PCDH11Y: variants seen among roughly 807,000 people sequenced by gnomAD.
The protein encoded by PCDH11Y is protocadherin-11 Y-linked.
For synonymous variants in PCDH11Y, 9 were observed against 83.6 expected, an observed-to-expected ratio of 0.11 and a Z score of 4.87; for missense variants, 12 against 224.8, an observed-to-expected ratio of 0.05 and a Z score of 6.05.
At chrY:5,537,136 G>A in intron 3 of PCDH11Y, among the ~76,000 whole-genome samples, 2 of 31,797 alleles carry the variant, frequency 6.3e-5, no homozygotes, top group Non-Finnish European at 1.5e-4. Context: ...TATTGAATTT[G>A]TAGATTGCTT....
At chrY:5,286,804 G>A (rs2124661377) in intron 2 of PCDH11Y, among the ~76,000 whole-genome samples, 1 of 32,542 alleles carries the variant, frequency 3.1e-5, no homozygotes, top group South Asian at 7.0e-4. Context: ...AAGACTATGG[G>A]GCTTCCTAGG....
intron 4 of PCDH11Y, among the ~76,000 whole-genome samples, chrY:5,682,724 G>A (rs2053559778): frequency 3.1e-5 from 1 of 32,108 alleles, no homozygotes; most frequent in Non-Finnish European, 7.6e-5. Context: ...AACCTTACAG[G>A]CCAGAAAAGA....
chrY:5,410,800 C>T (rs2053246754), intron 2 of PCDH11Y, among the ~76,000 whole-genome samples: 1 of 31,756 alleles, frequency 3.1e-5, no homozygotes, highest in Admixed American at 3.0e-4. Flanking sequence ...GTTTTCTGTT[C>T]CTGTGTTAGC....
intron 2 of PCDH11Y, among the ~76,000 whole-genome samples, chrY:5,385,671 T>C (rs2053213399): frequency 1.3e-3 from 42 of 33,597 alleles, no homozygotes; most frequent in Admixed American, 3.5e-3. Flanking sequence ...TGACAACATG[T>C]ATTATTTTTT....
chrY:5,207,492 G>A, intron 2 of PCDH11Y: 1 of 326,696 alleles, frequency 3.1e-6, no homozygotes, highest in Non-Finnish European at 4.6e-6. Context: ...GGTAAATGAG[G>A]CCGCCAAACT....
At chrY:5,179,399 T>C in intron 2 of PCDH11Y, among the ~76,000 whole-genome samples, 1 of 33,802 alleles carries the variant, frequency 3.0e-5, no homozygotes, top group Non-Finnish European at 7.3e-5. Flanking sequence ...CTTCGTTTCA[T>C]ATGTTTTTTA....
At chrY:5,344,368 A>C in intron 2 of PCDH11Y, among the ~76,000 whole-genome samples, 18 of 33,183 alleles carry the variant, frequency 5.4e-4, no homozygotes, top group African/African-American at 2.0e-3. Flanking sequence ...GGTAAATCAC[A>C]TTTTAATTTT....
At chrY:5,696,868 G>A in intron 4 of PCDH11Y, among the ~76,000 whole-genome samples, 1 of 32,304 alleles carries the variant, frequency 3.1e-5, no homozygotes, top group Non-Finnish European at 7.6e-5. Flanking sequence ...TATTTACCCA[G>A]GAGTCATTCA....
chrY:5,705,901 T>C, intron 4 of PCDH11Y, among the ~76,000 whole-genome samples: 17 of 33,573 alleles, frequency 5.1e-4, no homozygotes, highest in Admixed American at 4.7e-3. Flanking sequence ...AAAATCTTGA[T>C]TGAATATTTC....
intron 4 of PCDH11Y, among the ~76,000 whole-genome samples, chrY:5,589,232 G>A: frequency 3.1e-5 from 1 of 32,416 alleles, no homozygotes; most frequent in Non-Finnish European, 7.5e-5. Flanking sequence ...TGAATCATGG[G>A]GATGGGCTTT....
chrY:5,108,556 G>A (rs2052798057), downstream of PCDH11Y, among the ~76,000 whole-genome samples: 2 of 30,165 alleles, frequency 6.6e-5, no homozygotes, highest in Non-Finnish European at 1.6e-4. Context: ...GACCATCCTG[G>A]CTAACACAGT....
intron 2 of PCDH11Y, among the ~76,000 whole-genome samples, chrY:5,260,882 C>T (rs2053017186): frequency 6.3e-5 from 2 of 31,977 alleles, no homozygotes; most frequent in Non-Finnish European, 1.5e-4. Context: ...TTTGTCTCCA[C>T]CAAAACCTCA....
chrY:5,211,532 A>G, intron 2 of PCDH11Y, among the ~76,000 whole-genome samples: 1 of 31,717 alleles, frequency 3.2e-5, no homozygotes, highest in South Asian at 7.3e-4. Flanking sequence ...ATGAATTGGC[A>G]ATGTATTCAA....
chrY:5,664,480 G>T (rs2053543246), intron 4 of PCDH11Y, among the ~76,000 whole-genome samples: 1 of 32,782 alleles, frequency 3.1e-5, no homozygotes, highest in Admixed American at 2.8e-4. Flanking sequence ...TAATTTAGAG[G>T]CTTATTTATT....
chrY:5,741,487 T>G (rs2124716905), exon 5 of PCDH11Y: 1 of 32,912 alleles, frequency 3.0e-5, no homozygotes, highest in South Asian at 6.5e-4. Flanking sequence ...AGACTTTTAT[T>G]TATACTCTTC....
At chrY:5,361,192 G>T in intron 2 of PCDH11Y, among the ~76,000 whole-genome samples, 1 of 25,023 alleles carries the variant, frequency 4.0e-5, no homozygotes, top group African/African-American at 1.6e-4. Flanking sequence ...TCCCACAGGG[G>T]TATAACTGAG....
intron 3 of PCDH11Y, among the ~76,000 whole-genome samples, chrY:5,577,832 T>C: frequency 1.5e-4 from 5 of 32,377 alleles, no homozygotes; most frequent in African/African-American, 6.0e-4. Flanking sequence ...TGGGGACAGT[T>C]ACCCCCATAC....
At chrY:5,221,607 A>G (rs2052954753) in intron 2 of PCDH11Y, among the ~76,000 whole-genome samples, 1 of 23,368 alleles carries the variant, frequency 4.3e-5, no homozygotes. Flanking sequence ...GTTAGTTGTT[A>G]GTATATAAAT....
chrY:5,464,168 C>T (rs2124684079), intron 2 of PCDH11Y, among the ~76,000 whole-genome samples: 1 of 33,152 alleles, frequency 3.0e-5, no homozygotes, highest in African/African-American at 1.2e-4. Context: ...TCAACATATA[C>T]ACTGAAGTTG....
Sources: allele counts gnomAD v4.1 joint callset (sites outside exome capture counted in the v4.1 genomes callset), GRCh38; gene constraint gnomAD v4.1.1; transcripts MANE v1.5; gene names NCBI Gene and HGNC (gene_info 2026-07-23, HGNC 2026-07-21).